BICRA: variants seen among roughly 807,000 people sequenced by gnomAD.
BICRA encodes the protein BRD4 interacting chromatin remodeling complex associated protein.
A neutral mutation model predicts 96.9 loss-of-function variants in BICRA; 31 were observed. That is an observed-to-expected ratio of 0.32 (90% CI 0.24 to 0.43). The LOEUF is 0.43. BICRA is among the 20% of genes least tolerant of loss of function. The pLI is 1.00. For missense variants in BICRA, 2,283 were observed against 2,190.3 expected (o/e 1.04, Z -0.84); for synonymous variants, 1,350 against 1,071.8 (o/e 1.26, Z -5.07).
In BICRA at chr19:47,625,549, G is replaced by C. The variant is rs114816646; in HGVS notation, c.-108+16381G>C. Among the ~76,000 whole-genome samples the C allele has an allele frequency of 2.5e-3, 377 of 152,254 alleles. 1 individual carries two copies. The highest frequency in any genetic ancestry group is 8.4e-3 in the African/African-American group (348 of 41,534). On this transcript the variant is annotated intron_variant, in intron 1 of 14. Transcript: ENST00000594866. ...ACTGAATAAACCCCTAACTGATACT[G>C]AATGATTGAGGGGCCAGGTGACCTT...
chr19:47,611,996 G>A (rs554658258), intron 1 of BICRA, among the ~76,000 whole-genome samples: 3 of 151,832 alleles, frequency 2.0e-5, no homozygotes, highest in African/African-American at 4.8e-5. Context: ...TCAGCGTCCC[G>A]AGTAGCTGGG....
At chr19:47,609,641 C>T (rs961139341) in intron 1 of BICRA, among the ~76,000 whole-genome samples, 2 of 151,870 alleles carry the variant, frequency 1.3e-5, no homozygotes, top group East Asian at 3.9e-4. Context: ...CTCCCCTCGC[C>T]CCGCTCCCCG....
At chr19:47,684,401 C>T (rs1170681450) in intron 7 of BICRA, among the ~76,000 whole-genome samples, 1 of 152,180 alleles carries the variant, frequency 6.6e-6, no homozygotes, top group East Asian at 1.9e-4. Flanking sequence ...AAGCTGGTCT[C>T]AAACGCCTGA....
intron 1 of BICRA, among the ~76,000 whole-genome samples, chr19:47,634,328 G>A (rs1172079146): frequency 6.6e-6 from 1 of 152,178 alleles, no homozygotes; most frequent in Non-Finnish European, 1.5e-5. Context: ...GCCTGCCCTC[G>A]ACATGGGATC....
At chr19:47,658,297 C>T (rs1245871861) in intron 1 of BICRA, among the ~76,000 whole-genome samples, 4 of 152,064 alleles carry the variant, frequency 2.6e-5, no homozygotes, top group South Asian at 2.1e-4. Context: ...AGAGAAGACT[C>T]GGTGGGACCA....
intron 2 of BICRA, among the ~76,000 whole-genome samples, chr19:47,671,540 A>G (rs1183905972): frequency 5.3e-5 from 8 of 152,040 alleles, no homozygotes; most frequent in African/African-American, 1.7e-4. Context: ...AGGGTGCAGG[A>G]AGTAATGAAG....
chr19:47,623,584 G>C (rs1972096136), intron 1 of BICRA, among the ~76,000 whole-genome samples: 1 of 152,132 alleles, frequency 6.6e-6, no homozygotes, highest in Non-Finnish European at 1.5e-5. Context: ...CAAATAGCCG[G>C]TGCTGTGCCT....
chr19:47,648,608 C>T (rs1488668982), intron 1 of BICRA, among the ~76,000 whole-genome samples: 2 of 151,088 alleles, frequency 1.3e-5, no homozygotes, highest in Non-Finnish European at 2.9e-5. Flanking sequence ...AGTGGTGACT[C>T]ATGCCTGTAA....
At chr19:47,628,495 G>T (rs1488239476) in intron 1 of BICRA, among the ~76,000 whole-genome samples, 7 of 152,208 alleles carry the variant, frequency 4.6e-5, no homozygotes, top group Non-Finnish European at 7.3e-5. Context: ...TAGCTTTGGG[G>T]TTTGCCAATT....
At chr19:47,643,959 C>T (rs1972420422) in intron 1 of BICRA, among the ~76,000 whole-genome samples, 1 of 152,172 alleles carries the variant, frequency 6.6e-6, no homozygotes, top group Non-Finnish European at 1.5e-5. Flanking sequence ...TCAGGTTGCA[C>T]AGCCAGGAGG....
rs35080234 is a variant in BICRA, at chr19:47,610,608, A to ACCCC, written c.-108+1447_-108+1450dup. ...GTCCTGACCATCGTCCCCTTTTGTC[A>ACCCC]CCCCCCCCCCACACACACACCTACC... is the stretch of plus-strand genomic sequence containing the variant. On this transcript the variant is annotated intron_variant, in intron 1 of 14. Transcript: ENST00000594866. Among the ~76,000 whole-genome samples the ACCCC allele has an allele frequency of 8.7e-3, 1,173 of 134,058 alleles. 10 individuals are homozygous for ACCCC. The highest frequency in any genetic ancestry group is 0.011 in the Non-Finnish European group (688 of 62,782). The allele number at this position is 134,058 out of a possible 152,430, so 87.9% of individuals were successfully genotyped here. A position where few individuals can be genotyped will look rare whatever the true frequency, so the allele number is the denominator to read the frequency against.
chr19:47,640,722 T>G (rs1242833775), intron 1 of BICRA, among the ~76,000 whole-genome samples: 1 of 151,816 alleles, frequency 6.6e-6, no homozygotes, highest in Admixed American at 6.6e-5. Context: ...AACAAAGACC[T>G]GAAGGAGGCG....
intron 1 of BICRA, among the ~76,000 whole-genome samples, chr19:47,638,892 T>A (rs1177867725): frequency 6.6e-6 from 1 of 152,104 alleles, no homozygotes; most frequent in Non-Finnish European, 1.5e-5. Flanking sequence ...TGATCTCAAG[T>A]GACTTGCTTG....
At chr19:47,646,689 G>GT (rs1441619460) in intron 1 of BICRA, among the ~76,000 whole-genome samples, 3 of 152,172 alleles carry the variant, frequency 2.0e-5, no homozygotes, top group African/African-American at 7.2e-5. Flanking sequence ...GCGAGGTGAA[G>GT]TAAGTCAAGG....
chr19:47,644,649 C>T (rs1361538764), intron 1 of BICRA, among the ~76,000 whole-genome samples: 4 of 151,936 alleles, frequency 2.6e-5, no homozygotes, highest in South Asian at 2.1e-4. Flanking sequence ...TACAGGCGCC[C>T]GCCACTATGC....
chr19:47,663,295 G>A (rs1972730203), intron 1 of BICRA: 1 of 152,282 alleles, frequency 6.6e-6, no homozygotes, highest in Non-Finnish European at 1.5e-5. Flanking sequence ...GGCTGAGGCA[G>A]GAGTCACTTG....
At chr19:47,694,092 C>CCCAG in intron 7 of BICRA, 23 bp from the exon 8 acceptor site, 2 of 1,408,828 alleles carry the variant, frequency 1.4e-6, no homozygotes, top group Non-Finnish European at 9.2e-7. Context: ...CGCCCCTCCC[C>CCCAG]TCTCCCTCCC....
chr19:47,693,241 C>T (rs2914430), intron 7 of BICRA, among the ~76,000 whole-genome samples: 67,817 of 152,184 alleles, frequency 0.45, 15,683 homozygotes, highest in East Asian at 0.66. Flanking sequence ...GGGTCCAGAA[C>T]GGCAAGGTGC....
chr19:47,637,297 T>A (rs1034138198), intron 1 of BICRA, among the ~76,000 whole-genome samples: 1 of 151,964 alleles, frequency 6.6e-6, no homozygotes, highest in African/African-American at 2.4e-5. Flanking sequence ...TTTTTTGTAT[T>A]TTTAGTAGAG....
Sources: allele counts gnomAD v4.1 joint callset (sites outside exome capture counted in the v4.1 genomes callset), GRCh38; gene constraint gnomAD v4.1.1; transcripts MANE v1.5; gene names NCBI Gene and HGNC (gene_info 2026-07-23, HGNC 2026-07-21).